The following SPTLC2 variants were observed in gnomAD, a reference collection of about 807,000 sequenced individuals.
The protein encoded by SPTLC2 is serine palmitoyltransferase long chain base subunit 2.
SPTLC2 carries 21 observed loss-of-function variants against 62.0 expected under a neutral mutation model. The observed-to-expected ratio is 0.34, with a 90% CI of 0.24 to 0.49. SPTLC2 has a LOEUF of 0.49. Among genes scored for constraint, SPTLC2 ranks in the 20% least tolerant of loss-of-function variants. SPTLC2 has a pLI of 0.99. For synonymous variants in SPTLC2, 261 were observed against 261.8 expected (o/e 1.00, Z 0.03); for missense variants, 511 against 713.0 (o/e 0.72, Z 3.23).
At chr14:77,527,616 T>C (rs2079415578) in intron 9 of SPTLC2, among the ~76,000 whole-genome samples, 1 of 152,214 alleles carries the variant, frequency 6.6e-6, no homozygotes, top group South Asian at 2.1e-4. Flanking sequence ...CAGCCATGCA[T>C]GTAATCTTAA....
chr14:77,536,584 C>CTTT (rs2079472160), intron 9 of SPTLC2, among the ~76,000 whole-genome samples: 1 of 152,112 alleles, frequency 6.6e-6, no homozygotes, highest in African/African-American at 2.4e-5. Context: ...ATTAGCAATA[C>CTTT]CCCTTTTCAT....
chr14:77,616,025 G>A (rs907936383), intron 1 of SPTLC2, among the ~76,000 whole-genome samples: 3 of 152,188 alleles, frequency 2.0e-5, no homozygotes, highest in African/African-American at 7.2e-5. Context: ...GACCCCATGG[G>A]TGGTTTTCTT....
chr14:77,562,513 G>A (rs543429617), intron 5 of SPTLC2, 24 bp from the exon 6 acceptor site: 15 of 1,599,384 alleles, frequency 9.4e-6, no homozygotes, highest in Admixed American at 8.3e-5. Flanking sequence ...GGAACAGAAA[G>A]GTAAGAAGCT....
At chr14:77,551,062 C>A (rs1555375043) in intron 9 of SPTLC2, among the ~76,000 whole-genome samples, 3 of 151,974 alleles carry the variant, frequency 2.0e-5, no homozygotes, top group Non-Finnish European at 2.9e-5. Flanking sequence ...AATGTGAAAT[C>A]TTTTACAAAT....
chr14:77,562,263 G>C (rs1779297791), intron 6 of SPTLC2, 133 bp downstream of exon 6: 4 of 786,528 alleles, frequency 5.1e-6, no homozygotes, highest in Non-Finnish European at 8.9e-6. Flanking sequence ...GACTGGACCG[G>C]AAGAACATTT....
chr14:77,545,544 C>G (rs1423947588), intron 9 of SPTLC2, among the ~76,000 whole-genome samples: 1 of 152,212 alleles, frequency 6.6e-6, no homozygotes, highest in Non-Finnish European at 1.5e-5. Context: ...GCTGGGATTA[C>G]AGGCGTGAGC....
At chr14:77,582,454 A>T (rs2079757066) in intron 2 of SPTLC2, among the ~76,000 whole-genome samples, 1 of 152,214 alleles carries the variant, frequency 6.6e-6, no homozygotes, top group Non-Finnish European at 1.5e-5. Flanking sequence ...AATTTTTATT[A>T]GCAACAAAAG....
rs906170458 is a variant in SPTLC2, at chr14:77,611,302, C to CA, written c.132+5145dup. Among the ~76,000 whole-genome samples, 572 of 140,952 alleles carry CA rather than the reference C, an allele frequency of 4.1e-3. 3 individuals are homozygous for CA. Among genetic ancestry groups the CA allele is most frequent in the African/African-American group, 0.013 (514 of 38,430 alleles). 92.5% of individuals were successfully genotyped at this position (140,952 alleles called of 152,430 possible). On this transcript the variant is annotated intron_variant, in intron 1 of 11. Coordinates refer to ENST00000216484, the MANE Select transcript of SPTLC2 (RefSeq NM_004863.4). ...TGGGTGACAGAGCAAGACTCTGTCT[C>CA]AAAAAAAAAAATTAGCCCACTGTAG...
In SPTLC2 at chr14:77,598,476, A is replaced by C. The variant is rs906749699; in HGVS notation, c.133-1096T>G. On this transcript the variant is annotated intron_variant, in intron 1 of 11. Coordinates refer to ENST00000216484, the MANE Select transcript of SPTLC2 (RefSeq NM_004863.4). ...AAATTCAGCTTTATTAGAATGTAAAATATTTGTAAATGTTTTACTACCACA... is the reference window on the plus strand; with the variant it reads ...AAATTCAGCTTTATTAGAATGTAAACTATTTGTAAATGTTTTACTACCACA... Among the ~76,000 whole-genome samples the C allele has an allele frequency of 3.9e-5, 6 of 152,368 alleles. No homozygotes were observed. The East Asian group carries it at 1.2e-3, about 29-fold the overall frequency.
intron 11 of SPTLC2, among the ~76,000 whole-genome samples, chr14:77,516,984 C>T (rs1566766471): frequency 1.3e-5 from 2 of 152,328 alleles, no homozygotes; most frequent in South Asian, 2.1e-4. Context: ...CAGTGGCTCA[C>T]GCCTGCAATC....
At chr14:77,568,114 C>T (rs2079656442) in intron 5 of SPTLC2, among the ~76,000 whole-genome samples, 1 of 152,186 alleles carries the variant, frequency 6.6e-6, no homozygotes, top group African/African-American at 2.4e-5. Flanking sequence ...ACATTTCCAT[C>T]TGAGCATTGC....
chr14:77,524,196 T>C (rs1182332163), intron 9 of SPTLC2, among the ~76,000 whole-genome samples: 1 of 152,214 alleles, frequency 6.6e-6, no homozygotes, highest in Non-Finnish European at 1.5e-5. Flanking sequence ...TGAATTCGTT[T>C]GTATGAAACT....
chr14:77,559,728 A>T (rs1387565446), intron 6 of SPTLC2, among the ~76,000 whole-genome samples: 1 of 152,092 alleles, frequency 6.6e-6, no homozygotes, highest in Non-Finnish European at 1.5e-5. Flanking sequence ...TGTCTCTATA[A>T]AAAATAAAAA....
At chr14:77,569,532 G>C (rs1030325251) in intron 5 of SPTLC2, among the ~76,000 whole-genome samples, 1 of 151,742 alleles carries the variant, frequency 6.6e-6, no homozygotes, top group Non-Finnish European at 1.5e-5. Flanking sequence ...CATGCTCACA[G>C]TCACACAGCT....
chr14:77,520,361 A>G (rs2079379756), intron 10 of SPTLC2, among the ~76,000 whole-genome samples: 1 of 152,210 alleles, frequency 6.6e-6, no homozygotes, highest in Non-Finnish European at 1.5e-5. Flanking sequence ...GAATCACATT[A>G]CTTCCAGGTT....
intron 2 of SPTLC2, among the ~76,000 whole-genome samples, chr14:77,593,102 C>CA (rs1211045036): frequency 1.8e-3 from 215 of 121,586 alleles, no homozygotes; most frequent in African/African-American, 2.2e-3. Context: ...GACTCCATCT[C>CA]AAAAAAAAAA....
At chr14:77,553,528 G>A (rs950394671) in intron 8 of SPTLC2, among the ~76,000 whole-genome samples, 8 of 151,882 alleles carry the variant, frequency 5.3e-5, no homozygotes, top group South Asian at 4.2e-4. Flanking sequence ...TCAAGAGATC[G>A]AGACCATCCT....
rs1252153292 is a variant in SPTLC2, at chr14:77,577,018, T to C, written c.483-103A>G. 6 of 1,346,950 alleles carry C rather than the reference T, an allele frequency of 4.5e-6. No homozygotes were observed. In the African/African-American group the frequency reaches 5.8e-5, roughly 13 times the overall value. The allele number at this position is 1,346,950 out of a possible 1,614,324, so 83.4% of individuals were successfully genotyped here. On this transcript the variant is annotated intron_variant, in intron 3 of 11. Transcript: ENST00000216484. ...ACAAAAGGAAGCAGAGAGAACAAAG[T>C]CTATATTAAAAAAATCTCAAACACA... is the stretch of plus-strand genomic sequence containing the variant.
At chr14:77,557,238 C>G (rs1289452162) in intron 6 of SPTLC2, 92 bp from the exon 7 acceptor site, 2 of 1,168,446 alleles carry the variant, frequency 1.7e-6, no homozygotes, top group African/African-American at 3.0e-5. Flanking sequence ...ATTCAGAAAC[C>G]ATGCCTCAGA....
Sources: gnomAD v4.1 joint callset for allele counts (sites outside exome capture counted in the v4.1 genomes callset) on GRCh38, gnomAD v4.1.1 for gene constraint, MANE v1.5 for transcripts, NCBI Gene and HGNC (gene_info 2026-07-23, HGNC 2026-07-21) for gene names.